The following CIT variants were observed in gnomAD, a reference collection of about 807,000 sequenced individuals.
CIT encodes citron rho-interacting serine/threonine kinase.
CIT carries 79 observed loss-of-function variants against 272.7 expected under a neutral mutation model. That is an observed-to-expected ratio of 0.29 (90% CI 0.24 to 0.35). The LOEUF is 0.35. Among genes scored for constraint, CIT ranks in the 10% least tolerant of loss-of-function variants. The pLI is 1.00. For missense variants in CIT, 1,909 were observed against 2,618.3 expected (o/e 0.73, Z 5.91); for synonymous variants, 948 against 995.6 (o/e 0.95, Z 0.90).
intron 10 of CIT, among the ~76,000 whole-genome samples, chr12:119,801,577 C>T (rs1289737421): frequency 6.6e-6 from 1 of 152,170 alleles, no homozygotes; most frequent in Non-Finnish European, 1.5e-5. Flanking sequence ...CCACTGCTAA[C>T]CAGAACTAGA....
At chr12:119,725,189 G>A (rs1242655695) in intron 28 of CIT, among the ~76,000 whole-genome samples, 2 of 152,128 alleles carry the variant, frequency 1.3e-5, no homozygotes, top group East Asian at 1.9e-4. Flanking sequence ...TTGGGAGGCT[G>A]AGGTGGGCGG....
At chr12:119,852,757 T>C (rs903128765) in intron 4 of CIT, among the ~76,000 whole-genome samples, 4 of 151,834 alleles carry the variant, frequency 2.6e-5, no homozygotes, top group African/African-American at 9.7e-5. Flanking sequence ...AAATAAATTA[T>C]ATATATGCAT....
chr12:119,758,504 C>T (rs949135669), intron 21 of CIT, 87 bp downstream of exon 21: 3 of 839,906 alleles, frequency 3.6e-6, no homozygotes, highest in Non-Finnish European at 6.2e-6. Context: ...TCCACTCCAG[C>T]TCCATCAAAC....
rs1964402498 is a variant in CIT, at chr12:119,782,619, C to G, written c.1564G>C (p.Glu522Gln). 1 of 1,614,008 alleles carries G rather than the reference C, an allele frequency of 6.2e-7. No individual in the cohort carries two copies. Among genetic ancestry groups the G allele is most frequent in the South Asian group, 1.1e-5 (1 of 91,074 alleles). Residue 522 changes from glutamate (E) to glutamine (Q), a missense_variant, in exon 13 of 48, where the codon GAG (glutamate) becomes CAG (glutamine). Glu to Gln is a conservative substitution (Grantham distance 29). Coordinates refer to ENST00000392521, the MANE Select transcript of CIT (RefSeq NM_001206999.2). ...TECSSLKRSLEQARMEVSQED... is the reference protein window; with the variant it reads ...TECSSLKRSLQQARMEVSQED... Reference sequence around the variant, plus strand: ...TGGGACACCTCCATCCGTGCTTGCTCCAAACTTCGCTTTAAGCTCTGCAGA... The same window carrying G: ...TGGGACACCTCCATCCGTGCTTGCTGCAAACTTCGCTTTAAGCTCTGCAGA...
chr12:119,782,740 T>A, intron 12 of CIT, 103 bp from the exon 13 acceptor site: 1 of 1,402,512 alleles, frequency 7.1e-7, no homozygotes, highest in Non-Finnish European at 9.6e-7. Flanking sequence ...ACCAGGACAG[T>A]TTCGAGTGAC....
intron 44 of CIT, chr12:119,699,812 T>C (rs1565902701): frequency 4.4e-6 from 2 of 456,102 alleles, no homozygotes; most frequent in Non-Finnish European, 8.8e-6. Flanking sequence ...CACTAAGCTT[T>C]CAGATGGCTT....
chr12:119,773,719 T>C (rs1478437834), intron 16 of CIT, among the ~76,000 whole-genome samples: 1 of 152,190 alleles, frequency 6.6e-6, no homozygotes, highest in Non-Finnish European at 1.5e-5. Flanking sequence ...TGAGCCACCA[T>C]GCCCGGCCTG....
chr12:119,748,450 T>G (rs1959756681), intron 23 of CIT, among the ~76,000 whole-genome samples: 1 of 151,000 alleles, frequency 6.6e-6, no homozygotes, highest in Non-Finnish European at 1.5e-5. Context: ...CTGACCACCT[T>G]CTGGGATCCA....
In CIT at chr12:119,803,396, A is replaced by G; in HGVS notation, c.1112-7T>C. On this transcript the variant is annotated splice_region_variant and splice_polypyrimidine_tract_variant and intron_variant, in intron 9 of 47. Transcript: ENST00000392521. ...GGAACGAAGGGGGGAGGAGCTGGTT[A>G]AAGAAAAACAAGAAAGGAGGCGGGG... The G allele has an allele frequency of 1.3e-6, 2 of 1,535,318 alleles. No individual in the cohort carries two copies. Among genetic ancestry groups the G allele is most frequent in the African/African-American group, 2.8e-5 (2 of 70,584 alleles).
chr12:119,759,021 G>A (rs564720616), intron 20 of CIT, among the ~76,000 whole-genome samples: 39 of 152,192 alleles, frequency 2.6e-4, no homozygotes, highest in Admixed American at 5.9e-4. Context: ...ACCTGGGCCT[G>A]CAAGTCTCTT....
intron 13 of CIT, among the ~76,000 whole-genome samples, chr12:119,777,211 C>T (rs1370631526): frequency 2.0e-5 from 3 of 151,386 alleles, no homozygotes; most frequent in Admixed American, 6.6e-5. Context: ...GCCGAGATCG[C>T]GCCACTGCAC....
intron 23 of CIT, 33 bp from the exon 24 acceptor site, chr12:119,742,497 A>G (rs1201141391): frequency 1.4e-5 from 22 of 1,536,438 alleles, no homozygotes; most frequent in African/African-American, 6.9e-5. Context: ...TAAATTTTTC[A>G]TAGGGTAGAA....
In CIT at chr12:119,784,984, T is replaced by C. The variant is rs1442403221; in HGVS notation, c.1377A>G (p.Gln459=). The C allele has an allele frequency of 1.9e-6, 3 of 1,614,208 alleles. No homozygotes were observed. Among genetic ancestry groups the C allele is most frequent in the Middle Eastern group, 1.6e-4 (1 of 6,062 alleles). ...KKLLIKSKEL[Q]DSQDKCHKME... ...CCTTGTGACACTTGTCCTGAGAGTC[T>C]TGTAGCTCTTTGCTTTTGATGAGAA... The change falls in exon 11 of 48, where the codon CAA becomes CAG. Residue 459 remains glutamine (Q), a synonymous_variant. Transcript: ENST00000392521. The surrounding 1 kb of genome is among the most constrained non-coding windows in gnomAD (Gnocchi z 4.7).
chr12:119,705,007 G>A (rs1172943500), intron 40 of CIT, among the ~76,000 whole-genome samples: 1 of 152,164 alleles, frequency 6.6e-6, no homozygotes, highest in Non-Finnish European at 1.5e-5. Context: ...CCACCTCCCG[G>A]CTTCAAGCCA....
At chr12:119,805,436 C>T (rs1463351602) in intron 9 of CIT, among the ~76,000 whole-genome samples, 1 of 152,218 alleles carries the variant, frequency 6.6e-6, no homozygotes, top group Non-Finnish European at 1.5e-5. Context: ...ATATGACCTG[C>T]TATTATTGCT....
At chr12:119,815,313 G>A (rs1309420282) in intron 9 of CIT, among the ~76,000 whole-genome samples, 3 of 151,468 alleles carry the variant, frequency 2.0e-5, no homozygotes, top group East Asian at 1.9e-4. Flanking sequence ...CTGAGTGGCA[G>A]ATTCGAAGGA....
At position 119,822,914 on chromosome 12, in the gene CIT, T is replaced by C. The variant is rs1967840394; in HGVS notation, c.1017A>G (p.Gln339=). ...TCTCTTTCTGGCCGCACAACAAGCT[T>C]TGAATCAGATCAAGAAAGTCACTGC... ...KVSSDFLDLI[Q]SLLCGQKERL... Residue 339 remains glutamine, a synonymous_variant, in exon 9 of 48, where the codon CAA becomes CAG. Transcript: ENST00000392521. The C allele has an allele frequency of 1.2e-6, 2 of 1,614,108 alleles. No homozygotes were observed. Among genetic ancestry groups the C allele is most frequent in the Non-Finnish European group, 1.7e-6 (2 of 1,180,012 alleles).
rs945002817 is a variant in CIT, at chr12:119,700,938, G to A, written c.5543-113C>T. On this transcript the variant is annotated intron_variant, in intron 43 of 47. Coordinates refer to ENST00000392521, the MANE Select transcript of CIT (RefSeq NM_001206999.2). ...GAGCCCAGGGACCCCTGGCCAGATG[G>A]GACTGACTGTGAAAACCAGAGGCCC... 3 of 752,458 alleles carry A rather than the reference G, an allele frequency of 4.0e-6. No homozygotes were observed. The African/African-American group carries it at 5.2e-5, about 13-fold the overall frequency. The allele number at this position is 752,458 out of a possible 1,614,324, so 46.6% of individuals were successfully genotyped here.
At chr12:119,790,874 A>G (rs1965249012) in intron 10 of CIT, among the ~76,000 whole-genome samples, 1 of 152,212 alleles carries the variant, frequency 6.6e-6, no homozygotes, top group African/African-American at 2.4e-5. Flanking sequence ...GGAAGCCACA[A>G]TTCCTGTCCT....
Sources: gnomAD v4.1 joint callset for allele counts (sites outside exome capture counted in the v4.1 genomes callset) on GRCh38, gnomAD v4.1.1 for gene constraint, Gnocchi (gnomAD v3.1) non-coding constraint, MANE v1.5 for transcripts, NCBI Gene and HGNC (gene_info 2026-07-23, HGNC 2026-07-21) for gene names.